The following TRAPPC9 variants were observed in gnomAD, a reference collection of about 807,000 sequenced individuals.
TRAPPC9 encodes IKK2 binding protein.
Under a neutral mutation model 124.0 loss-of-function variants are expected in TRAPPC9, and 83 were observed. The observed-to-expected ratio is 0.67, with a 90% CI of 0.56 to 0.80. TRAPPC9 has a LOEUF of 0.80. Among genes scored for constraint, TRAPPC9 ranks in the 30% least tolerant of loss-of-function variants. The pLI, the probability that TRAPPC9 is intolerant of heterozygous loss-of-function variation, is 0.00. For missense variants in TRAPPC9, 1,302 were observed against 1,508.3 expected, an observed-to-expected ratio of 0.86 and a Z score of 2.27; for synonymous variants, 638 against 617.5, an observed-to-expected ratio of 1.03 and a Z score of -0.49.
chr8:139,846,847 G>A (rs1020815268), intron 21 of TRAPPC9, among the ~76,000 whole-genome samples: 1 of 152,222 alleles, frequency 6.6e-6, no homozygotes, highest in African/African-American at 2.4e-5. Flanking sequence ...GCAGGTAGTA[G>A]GCTAACTGTA....
intron 17 of TRAPPC9, among the ~76,000 whole-genome samples, chr8:140,024,892 G>A (rs538396744): frequency 1.5e-4 from 23 of 152,284 alleles, no homozygotes; most frequent in Admixed American, 3.3e-4. Context: ...AGTAAAAGCC[G>A]ACAAACTCCA....
intron 5 of TRAPPC9, among the ~76,000 whole-genome samples, chr8:140,407,452 T>A (rs1246345932): frequency 6.6e-6 from 1 of 151,944 alleles, no homozygotes; most frequent in East Asian, 1.9e-4. Context: ...TGAGGTGGGT[T>A]TTTCATTCTT....
Position 139,773,204 on chromosome 8 carries a change from C to T in TRAPPC9, c.3056-41002G>A, listed in dbSNP as rs1821105802. ...GTGGGGTTAGTCACCCAGCAGGACG[C>T]CTGGCGCGCCCAGGTCTCTGCCTCT... On this transcript the variant is annotated intron_variant, in intron 21 of 22. Coordinates refer to ENST00000438773, the MANE Select transcript of TRAPPC9 (RefSeq NM_001160372.4). Among the ~76,000 whole-genome samples, 5 of 152,236 alleles carry T rather than the reference C, an allele frequency of 3.3e-5. No homozygotes were observed. The South Asian group carries it at 8.3e-4, about 25-fold the overall frequency.
chr8:139,968,849 C>T (rs1293403885), intron 19 of TRAPPC9, among the ~76,000 whole-genome samples: 1 of 152,206 alleles, frequency 6.6e-6, no homozygotes, highest in Admixed American at 6.5e-5. Context: ...CGAGATTACA[C>T]CACATGCAAA....
chr8:140,403,019 A>T (rs1366738341), intron 6 of TRAPPC9, among the ~76,000 whole-genome samples: 5 of 152,254 alleles, frequency 3.3e-5, no homozygotes, highest in African/African-American at 9.6e-5. Context: ...ATATGTTTGC[A>T]TAGATTATCT....
At chr8:140,125,728 G>A (rs2061082518) in intron 17 of TRAPPC9, among the ~76,000 whole-genome samples, 1 of 151,386 alleles carries the variant, frequency 6.6e-6, no homozygotes, top group South Asian at 2.1e-4. Flanking sequence ...CTGAGTAGCT[G>A]GGATTACAGG....
intron 21 of TRAPPC9, among the ~76,000 whole-genome samples, chr8:139,826,423 T>C (rs1166780839): frequency 6.6e-6 from 1 of 152,150 alleles, no homozygotes; most frequent in Non-Finnish European, 1.5e-5. Flanking sequence ...GGGCAAGCCA[T>C]GCTCAGCCCT....
chr8:139,831,396 A>G (rs1447894821), intron 21 of TRAPPC9, among the ~76,000 whole-genome samples: 1 of 152,122 alleles, frequency 6.6e-6, no homozygotes, highest in Admixed American at 6.5e-5. Flanking sequence ...GGGCTACAGG[A>G]AGAGACCCAC....
At chr8:140,390,936 C>T (rs2068906831) in intron 7 of TRAPPC9, among the ~76,000 whole-genome samples, 1 of 152,234 alleles carries the variant, frequency 6.6e-6, no homozygotes, top group South Asian at 2.1e-4. Context: ...AAGCTGCATT[C>T]CTACTACTTT....
Position 139,742,291 on chromosome 8 carries a change from G to A in TRAPPC9, c.3056-10089C>T, listed in dbSNP as rs1430708699. On this transcript the variant is annotated intron_variant, in intron 21 of 22. Coordinates refer to ENST00000438773, the MANE Select transcript of TRAPPC9 (RefSeq NM_001160372.4). This position sits in a 1 kb window ranked among gnomAD's most constrained non-coding sequence, Gnocchi z 4.7. ...ACCGGCCATGCTGCCGGCGCTCACTGCTCCCTGTGCAGACAGCCCAGCTTC... is the reference window on the plus strand; with the variant it reads ...ACCGGCCATGCTGCCGGCGCTCACTACTCCCTGTGCAGACAGCCCAGCTTC... Among the ~76,000 whole-genome samples, 1 of 152,208 alleles carries A rather than the reference G, an allele frequency of 6.6e-6. No individual in the cohort carries two copies. The highest frequency in any genetic ancestry group is 1.5e-5 in the Non-Finnish European group (1 of 68,046).
At chr8:140,396,605 G>A (rs1469491640) in intron 7 of TRAPPC9, among the ~76,000 whole-genome samples, 4 of 96,192 alleles carry the variant, frequency 4.2e-5, no homozygotes, top group Non-Finnish European at 8.1e-5. Context: ...TACCCCCACC[G>A]CCATCTCTGA....
chr8:140,237,535 G>C (rs1239295812), intron 16 of TRAPPC9, among the ~76,000 whole-genome samples: 1 of 151,992 alleles, frequency 6.6e-6, no homozygotes, highest in African/African-American at 2.4e-5. Context: ...GCCAGGCAGT[G>C]TTTTTTAAAG....
At chr8:140,121,714 T>C (rs2040306901) in intron 17 of TRAPPC9, among the ~76,000 whole-genome samples, 3 of 152,210 alleles carry the variant, frequency 2.0e-5, no homozygotes, top group African/African-American at 7.2e-5. Flanking sequence ...TGATGAAAAA[T>C]CAGTGGCTTC....
intron 17 of TRAPPC9, chr8:140,098,227 A>T (rs1157594380): frequency 6.6e-6 from 1 of 150,914 alleles, no homozygotes; most frequent in Non-Finnish European, 1.5e-5. Context: ...GAGAACACTC[A>T]GCCTAGATCT....
chr8:139,757,872 C>T (rs776968016), intron 21 of TRAPPC9, among the ~76,000 whole-genome samples: 4 of 152,140 alleles, frequency 2.6e-5, no homozygotes, highest in Non-Finnish European at 4.4e-5. Context: ...CCTGAACCCA[C>T]GGCAAGGACG....
At chr8:140,093,656 C>G (rs1036196943) in intron 17 of TRAPPC9, among the ~76,000 whole-genome samples, 2 of 132,250 alleles carry the variant, frequency 1.5e-5, no homozygotes, top group Non-Finnish European at 3.1e-5. Context: ...CGAGAGAGCA[C>G]GACTTCGTCT....
At chr8:139,910,839 A>T (rs546739760) in intron 19 of TRAPPC9, among the ~76,000 whole-genome samples, 3 of 152,076 alleles carry the variant, frequency 2.0e-5, no homozygotes, top group Non-Finnish European at 4.4e-5. Flanking sequence ...CTGTACCCCT[A>T]TTGTATCTAG....
chr8:139,940,551 G>A (rs1206791822), intron 19 of TRAPPC9, among the ~76,000 whole-genome samples: 4 of 152,234 alleles, frequency 2.6e-5, no homozygotes, highest in Admixed American at 2.0e-4. Context: ...AGGACGTGGA[G>A]AGCGGCAGCC....
chr8:140,377,517 T>G (rs979357801), intron 7 of TRAPPC9, among the ~76,000 whole-genome samples: 3 of 152,144 alleles, frequency 2.0e-5, no homozygotes, highest in Non-Finnish European at 4.4e-5. Context: ...CAAGCTGGTC[T>G]CAAACTCCTG....
Sources: allele counts gnomAD v4.1 joint callset (sites outside exome capture counted in the v4.1 genomes callset), GRCh38; gene constraint gnomAD v4.1.1; non-coding constraint Gnocchi (gnomAD v3.1); transcripts MANE v1.5; gene names NCBI Gene and HGNC (gene_info 2026-07-23, HGNC 2026-07-21).